Variants in CLSPN observed in about 807,000 individuals in gnomAD.
CLSPN encodes claspin homolog.
In CLSPN, 85 loss-of-function variants were observed where a neutral mutation model predicts 156.3. The ratio of observed to expected loss-of-function variants is 0.54; its 90% CI spans 0.46 to 0.65. CLSPN has a LOEUF of 0.65. Among genes scored for constraint, CLSPN ranks in the 30% least tolerant of loss-of-function variants. The probability of loss-of-function intolerance (pLI) is 0.00; values close to 1 mark genes in which losing one functional copy is unlikely to be tolerated. For missense variants in CLSPN, 1,407 were observed against 1,554.9 expected (o/e 0.90, Z 1.60); for synonymous variants, 534 against 542.4 (o/e 0.98, Z 0.22).
At chr1:35,724,744 C>A (rs1369871373) in intron 24 of CLSPN, among the ~76,000 whole-genome samples, 1 of 152,178 alleles carries the variant, frequency 6.6e-6, no homozygotes, top group African/African-American at 2.4e-5. Flanking sequence ...CCCCAGAGGA[C>A]CTTTGACATG....
intron 18 of CLSPN, among the ~76,000 whole-genome samples, chr1:35,742,211 G>A (rs1641719518): frequency 2.0e-5 from 3 of 152,156 alleles, no homozygotes. Context: ...TTAAAAAGTG[G>A]CAAACTATTA....
chr1:35,747,918 C>T lies in CLSPN; in HGVS notation c.2616G>A (p.Leu872=). The change falls in exon 14 of 25, where the codon TTG becomes TTA. Residue 872 remains leucine (L), a synonymous_variant. Coordinates refer to ENST00000318121, the MANE Select transcript of CLSPN (RefSeq NM_022111.4). ...CLEDDTQSQL[L]DADGFLNVRN... is the part of the protein sequence containing the mutation. ...ACAAAACTACCTACCCATCTGCATC[C>T]AACAGTTGGCTCTGAGTGTCATCTT... The T allele has an allele frequency of 4.3e-6, 7 of 1,613,664 alleles. No individual in the cohort carries two copies. Among genetic ancestry groups the T allele is most frequent in the Non-Finnish European group, 5.9e-6 (7 of 1,179,896 alleles).
rs939100845 is a variant in CLSPN at position 35,733,426 on chromosome 1, G to A, written c.*3070C>T. ...CACCTCAGTCTCCTAAAGTGCTGGCGTGAGCCACCGGACCTGGCTGAATTT... is the reference window on the plus strand; with the variant it reads ...CACCTCAGTCTCCTAAAGTGCTGGCATGAGCCACCGGACCTGGCTGAATTT... On this transcript the variant is annotated 3_prime_UTR_variant, in exon 25 of 25. Transcript: ENST00000318121. The A allele has an allele frequency of 7.2e-6, 7 of 977,450 alleles. No homozygotes were observed. The highest frequency in any genetic ancestry group is 8.5e-6 in the Non-Finnish European group (7 of 824,572). The allele number at this position is 977,450 out of a possible 1,614,324, so 60.5% of individuals were successfully genotyped here.
In CLSPN at chr1:35,763,207, A is replaced by C. The variant is rs767020235; in HGVS notation, c.697T>G (p.Leu233Val). The part of the protein sequence containing the change: ...NNSPLEDEES[L>V]ESIRAAVKNK... ...TTTACAGCTGCTCTTATTGATTCTAATGACTCTTCATCTTCCAATGGAGAG... is the reference window on the plus strand; with the variant it reads ...TTTACAGCTGCTCTTATTGATTCTACTGACTCTTCATCTTCCAATGGAGAG... The change falls in exon 4 of 25, where the codon TTA becomes GTA. Residue 233 changes from leucine to valine, a missense_variant. Physicochemically the swap from Leu to Val is conservative, Grantham distance 32 (BLOSUM62 1). Coordinates refer to ENST00000318121, the MANE Select transcript of CLSPN (RefSeq NM_022111.4). 45 of 1,605,784 alleles carry C rather than the reference A, an allele frequency of 2.8e-5. No individual in the cohort carries two copies. In the Admixed American group the frequency reaches 7.6e-4, roughly 27 times the overall value.
chr1:35,739,060 A>G, intron 20 of CLSPN, 76 bp downstream of exon 20: 1 of 1,563,806 alleles, frequency 6.4e-7, no homozygotes, highest in Non-Finnish European at 8.7e-7. Flanking sequence ...CTGCCTCCCA[A>G]AGTGTTGGGA....
At chr1:35,766,329 AAGAG>A (rs1642673863) in intron 1 of CLSPN, among the ~76,000 whole-genome samples, 2 of 150,176 alleles carry the variant, frequency 1.3e-5, no homozygotes, top group South Asian at 2.1e-4. Flanking sequence ...AGAAAAAAAA[AAGAG>A]AGGGAGAGAA....
At chr1:35,769,359 G>T (rs1216500803) in intron 1 of CLSPN, among the ~76,000 whole-genome samples, 1 of 151,886 alleles carries the variant, frequency 6.6e-6, no homozygotes, top group African/African-American at 2.4e-5. Flanking sequence ...GTCGGAAAAC[G>T]CAAAGGGCCT....
In CLSPN at chr1:35,760,651, C is replaced by G; in HGVS notation, c.1270G>C (p.Asp424His). ...KQSDIRPSPG[D>H]SSVLQQESNF... ...GATTCCTGTTGCAACACTGAGCTGT[C>G]CCCAGGTGAAGGTCTAATGTCACTC... The change falls in exon 8 of 25, where the codon GAC becomes CAC. Residue 424 changes from aspartate (D) to histidine (H), a missense_variant. This residue lies in a region of CLSPN where 1,096 missense variants were observed against 1,193.0 expected (regional missense o/e 0.92). Coordinates refer to ENST00000318121, the MANE Select transcript of CLSPN (RefSeq NM_022111.4). 3.1e-6 allele frequency: 5 copies of G among 1,614,196 alleles called. No homozygotes were observed. Among genetic ancestry groups the G allele is most frequent in the Non-Finnish European group, 4.2e-6 (5 of 1,180,042 alleles).
intron 18 of CLSPN, among the ~76,000 whole-genome samples, chr1:35,741,283 C>T (rs573810493): frequency 1.1e-4 from 16 of 152,192 alleles, no homozygotes; most frequent in Non-Finnish European, 2.1e-4. Flanking sequence ...GGATGGTGGA[C>T]ATGGATAAGT....
At chr1:35,722,879 C>A (rs916174359) in intron 24 of CLSPN, among the ~76,000 whole-genome samples, 6 of 152,296 alleles carry the variant, frequency 3.9e-5, no homozygotes, top group Admixed American at 1.3e-4. Flanking sequence ...GATCTGCCCA[C>A]CTCGGCCTCC....
In CLSPN at chr1:35,735,446, G is replaced by A. The variant is rs1641432172; in HGVS notation, c.*1050C>T. ...CTTTTGGCTGGGCACAGTGGCTCAC[G>A]CCTGTAATCTCAGCACTTTGGGAGG... is the stretch of plus-strand genomic sequence containing the variant. On this transcript the variant is annotated 3_prime_UTR_variant, in exon 25 of 25. Transcript: ENST00000318121. The A allele has an allele frequency of 1.0e-6, 1 of 982,436 alleles. No individual in the cohort carries two copies. Among genetic ancestry groups the A allele is most frequent in the Admixed American group, 6.2e-5 (1 of 16,246 alleles). The allele number at this position is 982,436 out of a possible 1,614,324, so 60.9% of individuals were successfully genotyped here. A position where few individuals can be genotyped will look rare whatever the true frequency, so the allele number is the denominator to read the frequency against.
At position 35,753,927 on chromosome 1, in the gene CLSPN, G is replaced by C. The variant is rs114819765; in HGVS notation, c.1589C>G (p.Ala530Gly). 7 of 1,613,970 alleles carry C rather than the reference G, an allele frequency of 4.3e-6. No individual in the cohort carries two copies. Among genetic ancestry groups the C allele is most frequent in the Middle Eastern group, 3.3e-4 (2 of 6,078 alleles). ...ATGCTTCCAGAAACGCTGCTTCAAG[G>C]CTTCCAGTTCTAAACCCAAACGCCA... ...LEPETNRELE[A>G]LKQRFWKHAN... Residue 530 changes from alanine (A) to glycine (G), a missense_variant, in exon 9 of 25, where the codon GCC becomes GGC. Coordinates refer to ENST00000318121, the MANE Select transcript of CLSPN (RefSeq NM_022111.4).
chr1:35,733,648 A>G lies in CLSPN; in HGVS notation c.*2848T>C. 1.0e-6 allele frequency: 1 copy of G among 985,426 alleles called. No homozygotes were observed. The highest frequency in any genetic ancestry group is 1.7e-5 in the African/African-American group (1 of 57,356). 61.0% of individuals were successfully genotyped at this position (985,426 alleles called of 1,614,324 possible). On this transcript the variant is annotated 3_prime_UTR_variant, in exon 25 of 25. Transcript: ENST00000318121. Reference sequence around the variant, plus strand: ...GTATCTTGAACCCATGGATAAAATGAAGTACATACAAACTTAGCTAAAGAG... The same window carrying G: ...GTATCTTGAACCCATGGATAAAATGGAGTACATACAAACTTAGCTAAAGAG...
rs1365945865 is a variant in CLSPN, at chr1:35,733,289, A to C, written c.*3207T>G. ...AGCCCAGAAACCATTTTCTCCCTGGATTTCTCAGGCACTAATTTTCTTTTT... is the reference window on the plus strand; with the variant it reads ...AGCCCAGAAACCATTTTCTCCCTGGCTTTCTCAGGCACTAATTTTCTTTTT... On this transcript the variant is annotated 3_prime_UTR_variant, in exon 25 of 25. Coordinates refer to ENST00000318121, the MANE Select transcript of CLSPN (RefSeq NM_022111.4). The C allele has an allele frequency of 5.1e-6, 1 of 197,714 alleles. No homozygotes were observed. Among genetic ancestry groups the C allele is most frequent in the African/African-American group, 2.5e-5 (1 of 39,428 alleles). The allele number at this position is 197,714 out of a possible 1,614,324, so 12.2% of individuals were successfully genotyped here.
chr1:35,737,471 T>C (rs1641517987), intron 22 of CLSPN, 50 bp from the exon 23 acceptor site: 1 of 1,409,358 alleles, frequency 7.1e-7, no homozygotes, highest in Non-Finnish European at 1.0e-6. Flanking sequence ...TGATTAGAAT[T>C]ACTTTTAAAT....
intron 24 of CLSPN, among the ~76,000 whole-genome samples, chr1:35,723,479 G>C (rs1295078126): frequency 6.6e-6 from 1 of 152,194 alleles, no homozygotes; most frequent in Non-Finnish European, 1.5e-5. Context: ...AGGCCTAAGG[G>C]TTATTCATAG....
chr1:35,734,649 G>A lies in CLSPN; in HGVS notation c.*1847C>T. 1.6e-6 allele frequency: 1 copy of A among 612,998 alleles called. No individual in the cohort carries two copies. The highest frequency in any genetic ancestry group is 7.2e-5 in the South Asian group (1 of 13,812). 38.0% of individuals were successfully genotyped at this position (612,998 alleles called of 1,614,324 possible). A position where few individuals can be genotyped will look rare whatever the true frequency, so the allele number is the denominator to read the frequency against. On this transcript the variant is annotated 3_prime_UTR_variant, in exon 25 of 25. Coordinates refer to ENST00000318121, the MANE Select transcript of CLSPN (RefSeq NM_022111.4). The stretch of plus-strand genomic sequence containing the variant: ...GCCGAGATCATGCCATTGTATTCCA[G>A]CCTAGGTGACAGAGCCAGCCTATGT...
intron 9 of CLSPN, 62 bp downstream of exon 9, chr1:35,753,683 C>T (rs1642175618): frequency 2.7e-6 from 4 of 1,460,432 alleles, no homozygotes; most frequent in Non-Finnish European, 2.9e-6. Context: ...TTTTCAATAG[C>T]CTTGAAGATC....
At chr1:35,720,935 G>C in exon 25 of CLSPN, 1 of 1,612,272 alleles carries the variant, frequency 6.2e-7, no homozygotes, top group Non-Finnish European at 8.5e-7. Flanking sequence ...CCAGGGATAG[G>C]AGCTCCACTC....
Sources: gnomAD v4.1 joint callset for allele counts (sites outside exome capture counted in the v4.1 genomes callset) on GRCh38, gnomAD v4.1.1 for gene constraint, gnomAD v4.1.1 regional missense constraint, MANE v1.5 for transcripts, NCBI Gene and HGNC (gene_info 2026-07-23, HGNC 2026-07-21) for gene names.